The following RBMS3 variants were observed in gnomAD, a reference collection of about 807,000 sequenced individuals.
RBMS3 encodes RNA binding motif single stranded interacting protein 3, also known as RNA-binding motif, single-stranded-interacting protein 3.
In RBMS3, 27 loss-of-function variants were observed where a neutral mutation model predicts 66.8. The observed-to-expected ratio is 0.40, with a 90% CI of 0.30 to 0.56. The LOEUF is 0.56. Ranked by LOEUF, RBMS3 falls within the 20% of genes least tolerant of loss-of-function variation. RBMS3 has a pLI of 0.40. For synonymous variants in RBMS3, 188 were observed against 183.0 expected (o/e 1.03, Z -0.22); for missense variants, 513 against 549.5 (o/e 0.93, Z 0.66).
At chr3:29,391,849 G>A (rs1395891771) in intron 1 of RBMS3, among the ~76,000 whole-genome samples, 1 of 152,140 alleles carries the variant, frequency 6.6e-6, no homozygotes, top group Non-Finnish European at 1.5e-5. Context: ...ACTCAATACA[G>A]AAATGGAAAC....
intron 10 of RBMS3, chr3:29,926,858 A>T (rs1337693869): frequency 2.6e-5 from 4 of 152,204 alleles, no homozygotes; most frequent in Non-Finnish European, 5.9e-5. Flanking sequence ...TGTACAAATG[A>T]ATAAAGCATT....
At chr3:29,469,547 C>T (rs1559386360) in intron 2 of RBMS3, among the ~76,000 whole-genome samples, 1 of 151,730 alleles carries the variant, frequency 6.6e-6, no homozygotes, top group Non-Finnish European at 1.5e-5. Context: ...GAATTGCAGT[C>T]TCTTACACCA....
At chr3:29,623,033 C>T (rs576853008) in intron 4 of RBMS3, among the ~76,000 whole-genome samples, 7 of 149,826 alleles carry the variant, frequency 4.7e-5, no homozygotes, top group South Asian at 4.2e-4. Flanking sequence ...AGGAGAATGG[C>T]GTGAACTGGC....
chr3:29,652,107 G>C (rs2050163857), intron 4 of RBMS3, among the ~76,000 whole-genome samples: 1 of 152,102 alleles, frequency 6.6e-6, no homozygotes, highest in Non-Finnish European at 1.5e-5. Context: ...GCAGTCAGAA[G>C]ATGTCTTTCA....
intron 1 of RBMS3, among the ~76,000 whole-genome samples, chr3:29,340,236 G>T (rs2036206461): frequency 6.6e-6 from 1 of 152,122 alleles, no homozygotes; most frequent in African/African-American, 2.4e-5. Context: ...AAGTATTTCA[G>T]AGGTGGTAGC....
At chr3:29,746,130 A>G (rs2054881750) in intron 5 of RBMS3, among the ~76,000 whole-genome samples, 1 of 152,268 alleles carries the variant, frequency 6.6e-6, no homozygotes, top group Admixed American at 6.5e-5. Flanking sequence ...ATTTTAAAAA[A>G]TATGTTAAAT....
intron 12 of RBMS3, 125 bp downstream of exon 12, chr3:29,944,379 GTTTGC>G: frequency 1.4e-6 from 1 of 720,304 alleles, no homozygotes; most frequent in Admixed American, 2.2e-5. Flanking sequence ...TTGAATTCCA[GTTTGC>G]AAGGGGGCAT....
At chr3:29,510,092 G>A (rs1283683773) in intron 3 of RBMS3, among the ~76,000 whole-genome samples, 2 of 152,098 alleles carry the variant, frequency 1.3e-5, no homozygotes, top group East Asian at 3.9e-4. Flanking sequence ...AGTACCTGTG[G>A]ACTCCATACT....
intron 2 of RBMS3, among the ~76,000 whole-genome samples, chr3:29,457,520 G>T (rs183433516): frequency 8.5e-5 from 13 of 152,210 alleles, no homozygotes; most frequent in Admixed American, 8.5e-4. Flanking sequence ...TCAGGAGTTC[G>T]AGACTAGCCT....
In RBMS3 at chr3:29,366,707, C is replaced by T. The variant is rs1232589114; in HGVS notation, c.76-68036C>T. The stretch of plus-strand genomic sequence containing the variant: ...ACTGTTTTAAGAACTAGAGGGAATG[C>T]GGTATCTCTGGGGCCAAGAGTTCCC... On this transcript the variant is annotated intron_variant, in intron 1 of 14. Coordinates refer to ENST00000383767, the MANE Select transcript of RBMS3 (RefSeq NM_001003793.3). 2.6e-5 allele frequency among the ~76,000 whole-genome samples: 4 copies of T among 152,220 alleles called. No individual in the cohort carries two copies. The East Asian group carries it at 7.7e-4, about 29-fold the overall frequency.
intron 3 of RBMS3, among the ~76,000 whole-genome samples, chr3:29,575,862 G>C (rs2047102499): frequency 6.6e-6 from 1 of 151,754 alleles, no homozygotes; most frequent in Non-Finnish European, 1.5e-5. Context: ...AATTATTTCA[G>C]TTTCTTTGTT....
At chr3:29,869,902 C>T (rs1235364974) in intron 7 of RBMS3, among the ~76,000 whole-genome samples, 4 of 152,140 alleles carry the variant, frequency 2.6e-5, no homozygotes, top group Non-Finnish European at 5.9e-5. Context: ...TCAATACTGA[C>T]AGAACAGTGG....
In RBMS3 at chr3:29,623,428, T is replaced by G. The variant is rs566603154; in HGVS notation, c.399+36223T>G. Among the ~76,000 whole-genome samples the G allele has an allele frequency of 2.8e-3, 413 of 149,462 alleles. 4 individuals are homozygous for G. The highest frequency in any genetic ancestry group is 9.6e-3 in the African/African-American group (391 of 40,654). Reference sequence around the variant, plus strand: ...TAACACGGTGAAACCCCGTCTCTACTAAAAATACAAAAAATTAGCCAGGCG... The same window carrying G: ...TAACACGGTGAAACCCCGTCTCTACGAAAAATACAAAAAATTAGCCAGGCG... On this transcript the variant is annotated intron_variant, in intron 4 of 14. Coordinates refer to ENST00000383767, the MANE Select transcript of RBMS3 (RefSeq NM_001003793.3).
intron 4 of RBMS3, among the ~76,000 whole-genome samples, chr3:29,664,117 T>C (rs2050662652): frequency 6.6e-6 from 1 of 152,164 alleles, no homozygotes; most frequent in African/African-American, 2.4e-5. Flanking sequence ...GGAAAGAGAA[T>C]AACGTCTCTA....
chr3:29,764,103 G>T (rs2055820414), intron 6 of RBMS3, among the ~76,000 whole-genome samples: 1 of 133,472 alleles, frequency 7.5e-6, no homozygotes, highest in Non-Finnish European at 1.6e-5. Flanking sequence ...GGAGGGTTTT[G>T]TAATGACTTG....
chr3:29,555,744 A>G (rs182598902), intron 3 of RBMS3, among the ~76,000 whole-genome samples: 1 of 152,106 alleles, frequency 6.6e-6, no homozygotes, highest in Non-Finnish European at 1.5e-5. Flanking sequence ...TGCTCCTCCC[A>G]TCTGTGGGTT....
intron 3 of RBMS3, among the ~76,000 whole-genome samples, chr3:29,569,793 A>G (rs778031821): frequency 6.6e-6 from 1 of 152,182 alleles, no homozygotes; most frequent in Non-Finnish European, 1.5e-5. Context: ...GCCTATTTCC[A>G]TTTCATTAAT....
intron 10 of RBMS3, among the ~76,000 whole-genome samples, chr3:29,901,765 T>G (rs1012079800): frequency 6.6e-6 from 1 of 151,816 alleles, no homozygotes; most frequent in Admixed American, 6.6e-5. Flanking sequence ...GCCACTAGGT[T>G]TAAATGTAAT....
At chr3:29,298,352 C>A (rs533849168) in intron 1 of RBMS3, among the ~76,000 whole-genome samples, 21 of 152,024 alleles carry the variant, frequency 1.4e-4, no homozygotes, top group South Asian at 4.1e-4. Context: ...TCAGATCTTA[C>A]AACAGTGCTA....
Sources: gnomAD v4.1 joint callset for allele counts (sites outside exome capture counted in the v4.1 genomes callset) on GRCh38, gnomAD v4.1.1 for gene constraint, MANE v1.5 for transcripts, NCBI Gene and HGNC (gene_info 2026-07-23, HGNC 2026-07-21) for gene names.